DLGAP1: variants seen among roughly 807,000 people sequenced by gnomAD.
The protein encoded by DLGAP1 is disks large-associated protein 1.
Under a neutral mutation model 90.8 loss-of-function variants are expected in DLGAP1, and 11 were observed. The ratio of observed to expected loss-of-function variants is 0.12; its 90% confidence interval spans 0.08 to 0.20. The LOEUF is 0.20. DLGAP1 is among the 10% of genes least tolerant of loss of function. The pLI is 1.00. For synonymous variants in DLGAP1, 558 were observed against 540.7 expected, an observed-to-expected ratio of 1.03 and a Z score of -0.44; for missense variants, 1,050 against 1,333.8, an observed-to-expected ratio of 0.79 and a Z score of 3.31.
intron 1 of DLGAP1, among the ~76,000 whole-genome samples, chr18:4,297,480 T>A (rs2080011880): frequency 6.6e-6 from 1 of 152,230 alleles, no homozygotes; most frequent in African/African-American, 2.4e-5. Context: ...TAGCTGACAT[T>A]GTAACATATC....
intron 2 of DLGAP1, among the ~76,000 whole-genome samples, chr18:4,076,037 T>C (rs1373917457): frequency 1.3e-5 from 2 of 152,162 alleles, no homozygotes; most frequent in East Asian, 3.8e-4. Flanking sequence ...TGTCTGCCAA[T>C]GCCTATTGCA....
At chr18:4,192,710 GAATAAATGTTCCCT>G (rs1183413108) in intron 1 of DLGAP1, among the ~76,000 whole-genome samples, 1 of 152,138 alleles carries the variant, frequency 6.6e-6, no homozygotes. Flanking sequence ...GCAAATAAAA[GAATAAATGTTCCCT>G]AAGGTAGGGC....
intron 1 of DLGAP1, among the ~76,000 whole-genome samples, chr18:4,449,547 G>A (rs1352233392): frequency 1.3e-5 from 2 of 152,184 alleles, no homozygotes; most frequent in East Asian, 3.9e-4. Context: ...GCATTCACTT[G>A]TTTATTCATT....
chr18:3,843,735 T>C (rs2068848568), intron 4 of DLGAP1, among the ~76,000 whole-genome samples: 1 of 152,182 alleles, frequency 6.6e-6, no homozygotes, highest in Non-Finnish European at 1.5e-5. Context: ...AGAATAGCCA[T>C]GAAATCAAAC....
intron 3 of DLGAP1, among the ~76,000 whole-genome samples, chr18:3,951,983 T>C (rs574164251): frequency 6.6e-6 from 1 of 152,324 alleles, no homozygotes; most frequent in Non-Finnish European, 1.5e-5. Flanking sequence ...TAACTGAGTA[T>C]CAGTTTTACT....
At chr18:4,304,187 G>C (rs677208) in intron 1 of DLGAP1, among the ~76,000 whole-genome samples, 111,069 of 152,102 alleles carry the variant, frequency 0.73, 43,598 homozygotes, top group East Asian at 0.91. Context: ...ATTTTAAGTG[G>C]AGGAAGATAA....
At chr18:3,872,333 A>G (rs1479730286) in intron 4 of DLGAP1, among the ~76,000 whole-genome samples, 1 of 152,080 alleles carries the variant, frequency 6.6e-6, no homozygotes, top group African/African-American at 2.4e-5. Context: ...ATCTCTGTGT[A>G]ACAGTAATTA....
chr18:4,389,941 G>A (rs2082308125), intron 1 of DLGAP1, among the ~76,000 whole-genome samples: 1 of 152,074 alleles, frequency 6.6e-6, no homozygotes, highest in Non-Finnish European at 1.5e-5. Context: ...ATGTTTCTAA[G>A]ATACTTCTAC....
At chr18:4,412,397 C>G (rs995880822) in intron 1 of DLGAP1, among the ~76,000 whole-genome samples, 5 of 152,186 alleles carry the variant, frequency 3.3e-5, no homozygotes, top group Non-Finnish European at 7.3e-5. Flanking sequence ...GTGCCCTCAT[C>G]AAGATATAGT....
At chr18:4,081,308 TC>T (rs1310942101) in intron 2 of DLGAP1, among the ~76,000 whole-genome samples, 1 of 143,814 alleles carries the variant, frequency 7.0e-6, no homozygotes, top group African/African-American at 2.6e-5. Flanking sequence ...GGAGTGAAAC[TC>T]CGTCTCAGGA....
intron 8 of DLGAP1, chr18:3,580,541 G>A (rs1240527565): frequency 1.3e-6 from 2 of 1,598,062 alleles, no homozygotes; most frequent in Non-Finnish European, 1.7e-6. Context: ...GGAGATGGCA[G>A]TGGAGGTGGC....
intron 1 of DLGAP1, chr18:4,275,267 C>T (rs945719995): frequency 2.6e-5 from 4 of 152,194 alleles, no homozygotes; most frequent in African/African-American, 9.7e-5. Flanking sequence ...TCTAGGAGCT[C>T]TCCCATCTTT....
chr18:3,713,946 G>T lies in DLGAP1; in HGVS notation c.1591+15189C>A, dbSNP rs527364286. Reference sequence around the variant, plus strand: ...CAAGTGGGGACACTGTCAGGATTCCGCCCTATTCTGAAACACCCACATATC... The same window carrying T: ...CAAGTGGGGACACTGTCAGGATTCCTCCCTATTCTGAAACACCCACATATC... On this transcript the variant is annotated intron_variant, in intron 7 of 12. Transcript: ENST00000315677. 7.9e-5 allele frequency among the ~76,000 whole-genome samples: 12 copies of T among 152,216 alleles called. 1 individual carries two copies. The highest frequency in any genetic ancestry group is 7.2e-4 in the Admixed American group (11 of 15,304).
At chr18:3,601,846 G>GGAAAAAAA (rs749002612) in intron 7 of DLGAP1, among the ~76,000 whole-genome samples, 5 of 96,982 alleles carry the variant, frequency 5.2e-5, no homozygotes, top group South Asian at 3.5e-4. Context: ...CTCCATCTCG[G>GGAAAAAAA]AAAAAAAAAA....
intron 3 of DLGAP1, among the ~76,000 whole-genome samples, chr18:3,956,025 T>C (rs965938056): frequency 6.6e-6 from 1 of 152,170 alleles, no homozygotes; most frequent in Non-Finnish European, 1.5e-5. Flanking sequence ...GAAGAAATAA[T>C]GGTTGAAATT....
At chr18:3,936,186 GA>G (rs2072634752) in intron 3 of DLGAP1, among the ~76,000 whole-genome samples, 1 of 152,160 alleles carries the variant, frequency 6.6e-6, no homozygotes, top group Non-Finnish European at 1.5e-5. Context: ...CAGACAATAA[GA>G]GTATTTCTAA....
intron 7 of DLGAP1, among the ~76,000 whole-genome samples, chr18:3,712,319 C>T (rs998734422): frequency 5.3e-5 from 8 of 152,166 alleles, no homozygotes; most frequent in African/African-American, 1.2e-4. Flanking sequence ...GCGTTTGCCG[C>T]GGGGCTTGCA....
intron 1 of DLGAP1, among the ~76,000 whole-genome samples, chr18:4,452,599 G>A (rs2144921555): frequency 6.6e-6 from 1 of 152,260 alleles, no homozygotes; most frequent in Non-Finnish European, 1.5e-5. Flanking sequence ...AGCTTAGAAG[G>A]ATTTAAAAAG....
At chr18:3,555,728 T>C (rs2053711845) in intron 9 of DLGAP1, among the ~76,000 whole-genome samples, 3 of 152,120 alleles carry the variant, frequency 2.0e-5, no homozygotes, top group African/African-American at 7.2e-5. Flanking sequence ...GAGAATCGCT[T>C]GAACCCAGGA....
Sources: gnomAD v4.1 joint callset for allele counts (sites outside exome capture counted in the v4.1 genomes callset) on GRCh38, gnomAD v4.1.1 for gene constraint, MANE v1.5 for transcripts, NCBI Gene and HGNC (gene_info 2026-07-23, HGNC 2026-07-21) for gene names.